LRP1B: variants seen among roughly 807,000 people sequenced by gnomAD.
The protein encoded by LRP1B is low-density lipoprotein receptor-related protein 1B.
Under a neutral mutation model 556.6 loss-of-function variants are expected in LRP1B, and 217 were observed. The observed-to-expected ratio is 0.39, with a 90% CI of 0.35 to 0.44. The LOEUF (loss-of-function observed/expected upper bound fraction) is 0.44. LRP1B is among the 20% of genes least tolerant of loss of function. The probability of loss-of-function intolerance (pLI) is 1.00; values close to 1 mark genes in which losing one functional copy is unlikely to be tolerated. For synonymous variants in LRP1B, 2,047 were observed against 1,865.8 expected, an observed-to-expected ratio of 1.10 and a Z score of -2.50; for missense variants, 5,053 against 5,620.8, an observed-to-expected ratio of 0.90 and a Z score of 3.23.
chr2:140,654,980 G>A (rs1305569430), intron 41 of LRP1B, among the ~76,000 whole-genome samples: 1 of 151,090 alleles, frequency 6.6e-6, no homozygotes, highest in Non-Finnish European at 1.5e-5. Flanking sequence ...TTTCCTAGCT[G>A]GGCACAGTAG....
chr2:141,899,078 C>T (rs1699541184), intron 1 of LRP1B, among the ~76,000 whole-genome samples: 1 of 152,042 alleles, frequency 6.6e-6, no homozygotes, highest in South Asian at 2.1e-4. Flanking sequence ...AAAGAATTAC[C>T]TTCTCAACAA....
At chr2:140,886,872 A>G (rs1371971949) in intron 23 of LRP1B, among the ~76,000 whole-genome samples, 2 of 152,166 alleles carry the variant, frequency 1.3e-5, no homozygotes, top group Non-Finnish European at 2.9e-5. Flanking sequence ...AAAAAATCAT[A>G]ACTATATCAT....
At chr2:141,188,651 T>G in intron 6 of LRP1B, 68 bp from the exon 7 acceptor site, 1 of 1,395,258 alleles carries the variant, frequency 7.2e-7, no homozygotes, top group Admixed American at 1.9e-5. Flanking sequence ...AAAAATAACA[T>G]AAGTGTTTCC....
intron 43 of LRP1B, among the ~76,000 whole-genome samples, chr2:140,577,675 C>G (rs560498445): frequency 2.0e-5 from 3 of 152,178 alleles, no homozygotes; most frequent in South Asian, 4.1e-4. Flanking sequence ...CCCCACCCCC[C>G]AGCCTCCCAA....
chr2:141,137,705 G>A lies in LRP1B; in HGVS notation c.1013+50716C>T, dbSNP rs1474917477. Among the ~76,000 whole-genome samples the A allele has an allele frequency of 2.0e-5, 3 of 151,842 alleles. No individual in the cohort carries two copies. The East Asian group carries it at 5.8e-4, about 29-fold the overall frequency. ...AAATATATGTCACACATGCAATAAT[G>A]ATATTTTATTCATCAACAAATAAAT... On this transcript the variant is annotated intron_variant, in intron 7 of 90. Transcript: ENST00000389484.
chr2:141,124,208 A>T (rs188650713), intron 7 of LRP1B, among the ~76,000 whole-genome samples: 1 of 152,272 alleles, frequency 6.6e-6, no homozygotes, highest in Admixed American at 6.5e-5. Flanking sequence ...AAAGTAGGTG[A>T]TCTCACCAAA....
chr2:141,856,409 C>CT (rs554500968), intron 1 of LRP1B, among the ~76,000 whole-genome samples: 3 of 152,060 alleles, frequency 2.0e-5, no homozygotes, highest in Non-Finnish European at 4.4e-5. Flanking sequence ...AGGCCCATTT[C>CT]TTTTTTTATA....
chr2:141,453,034 G>A (rs147867236), intron 3 of LRP1B, among the ~76,000 whole-genome samples: 227 of 152,178 alleles, frequency 1.5e-3, no homozygotes, highest in African/African-American at 5.1e-3. Flanking sequence ...TCAGGAGTTC[G>A]AGACCAGGTT....
chr2:140,368,631 C>A (rs1185376972), intron 71 of LRP1B, among the ~76,000 whole-genome samples: 1 of 151,824 alleles, frequency 6.6e-6, no homozygotes, highest in African/African-American at 2.4e-5. Context: ...ACCAGTAAAA[C>A]TGATTAATTG....
chr2:140,370,260 A>G (rs1682937516), intron 71 of LRP1B, among the ~76,000 whole-genome samples: 2 of 152,058 alleles, frequency 1.3e-5, no homozygotes, highest in African/African-American at 2.4e-5. Context: ...GGCACAACCT[A>G]TAACCTATAT....
At chr2:141,234,368 T>A (rs548727335) in intron 5 of LRP1B, among the ~76,000 whole-genome samples, 139 of 152,162 alleles carry the variant, frequency 9.1e-4, no homozygotes, top group Middle Eastern at 3.4e-3. Context: ...ATTATTTATT[T>A]TTTATTTTTT....
chr2:141,126,175 G>C (rs1237441721), intron 7 of LRP1B, among the ~76,000 whole-genome samples: 2 of 152,038 alleles, frequency 1.3e-5, no homozygotes, highest in African/African-American at 2.4e-5. Flanking sequence ...GGGATTACAG[G>C]TGCCTGTCAC....
chr2:140,862,906 G>A (rs1019147187), intron 27 of LRP1B, among the ~76,000 whole-genome samples: 4 of 152,148 alleles, frequency 2.6e-5, no homozygotes, highest in African/African-American at 9.7e-5. Flanking sequence ...TTTGAGCTAC[G>A]ACATATATCT....
At chr2:141,495,682 G>A (rs773413242) in intron 2 of LRP1B, among the ~76,000 whole-genome samples, 3 of 151,918 alleles carry the variant, frequency 2.0e-5, no homozygotes, top group Non-Finnish European at 2.9e-5. Context: ...TTGAAACCTC[G>A]TTGAAGACTG....
chr2:141,047,382 G>T (rs534345259), intron 11 of LRP1B, among the ~76,000 whole-genome samples: 1 of 152,034 alleles, frequency 6.6e-6, no homozygotes, highest in Non-Finnish European at 1.5e-5. Context: ...TATCAGGTTT[G>T]ATTTAAAGTA....
At chr2:140,625,680 A>G (rs1289432922) in intron 41 of LRP1B, among the ~76,000 whole-genome samples, 2 of 152,314 alleles carry the variant, frequency 1.3e-5, no homozygotes, top group Non-Finnish European at 2.9e-5. Flanking sequence ...AACAACAATG[A>G]GATACTACTA....
intron 57 of LRP1B, among the ~76,000 whole-genome samples, chr2:140,490,035 C>G (rs995653298): frequency 6.6e-6 from 1 of 152,018 alleles, no homozygotes; most frequent in African/African-American, 2.4e-5. Context: ...ATGCAAGAAA[C>G]ATTAAAACAG....
chr2:141,945,853 T>C lies in LRP1B; in HGVS notation c.83-135452A>G, dbSNP rs1249542452. Among the ~76,000 whole-genome samples, 3 of 152,264 alleles carry C rather than the reference T, an allele frequency of 2.0e-5. No homozygotes were observed. In the East Asian group the frequency reaches 5.8e-4, roughly 29 times the overall value. On this transcript the variant is annotated intron_variant, in intron 1 of 90. Coordinates refer to ENST00000389484, the MANE Select transcript of LRP1B (RefSeq NM_018557.3). ...GAAGTAAATACATTCCTAAACATAT[T>C]GTTTCAGTCTGTTTTTCTTTATTCC...
intron 7 of LRP1B, among the ~76,000 whole-genome samples, chr2:141,117,287 G>T (rs1700930327): frequency 6.9e-6 from 1 of 145,306 alleles, no homozygotes; most frequent in African/African-American, 2.6e-5. Flanking sequence ...AAGTGTGGTT[G>T]AGTTTAAATA....
Sources: gnomAD v4.1 joint callset for allele counts (sites outside exome capture counted in the v4.1 genomes callset) on GRCh38, gnomAD v4.1.1 for gene constraint, MANE v1.5 for transcripts, NCBI Gene and HGNC (gene_info 2026-07-23, HGNC 2026-07-21) for gene names.